Variants in DRC9 observed in about 807,000 individuals in gnomAD.
DRC9 encodes dynein regulatory complex subunit 9, also known as dynein regulatory complex protein 9.
At chr3:197,909,938 C>T in the DRC9 span, among the ~76,000 whole-genome samples, 3 of 151,952 alleles carry the variant, frequency 2.0e-5, no homozygotes, top group African/African-American at 7.3e-5. Context: ...TGCAGTGAGC[C>T]GAGATCGCGC....
chr3:197,917,530 G>A, the DRC9 span, among the ~76,000 whole-genome samples: 69 of 152,258 alleles, frequency 4.5e-4, 1 homozygote, highest in African/African-American at 1.6e-3. Context: ...CAAGTTGTAG[G>A]ATTGCAGGCA....
the DRC9 span, chr3:197,925,895 A>T: frequency 1.5e-6 from 1 of 683,286 alleles, no homozygotes; most frequent in South Asian, 1.7e-5. Context: ...TGTTTTCAAT[A>T]GTAAAGGAAT....
At chr3:197,899,480 T>C in the DRC9 span, among the ~76,000 whole-genome samples, 1 of 152,062 alleles carries the variant, frequency 6.6e-6, no homozygotes, top group African/African-American at 2.4e-5. Flanking sequence ...CCCAGCTCCT[T>C]GGAGGCTGAG....
the DRC9 span, chr3:197,955,707 A>G: frequency 1.3e-6 from 2 of 1,508,464 alleles, no homozygotes; most frequent in Non-Finnish European, 1.8e-6. Flanking sequence ...GTAGACGTAT[A>G]TATAACATTC....
the DRC9 span, among the ~76,000 whole-genome samples, chr3:197,895,661 G>A: frequency 6.6e-6 from 1 of 152,046 alleles, no homozygotes; most frequent in African/African-American, 2.4e-5. Context: ...TGATTTATCT[G>A]TTTAGGTGAG....
At chr3:197,950,223 T>C in the DRC9 span, 13 of 1,230,930 alleles carry the variant, frequency 1.1e-5, no homozygotes, top group Admixed American at 1.3e-4. Flanking sequence ...CCTGTGGAGG[T>C]GAGTGAAGGG....
the DRC9 span, chr3:197,892,643 T>A: frequency 6.2e-7 from 1 of 1,606,082 alleles, no homozygotes; most frequent in Non-Finnish European, 8.5e-7. Flanking sequence ...TTGCCAGGTC[T>A]TGAAGGTGTG....
the DRC9 span, among the ~76,000 whole-genome samples, chr3:197,948,425 TC>T: frequency 1.1e-4 from 16 of 151,990 alleles, 1 homozygote; most frequent in Admixed American, 9.8e-4. Flanking sequence ...AGTGTCAGTT[TC>T]CCCCCACTAG....
chr3:197,914,322 G>C, the DRC9 span, among the ~76,000 whole-genome samples: 2 of 152,132 alleles, frequency 1.3e-5, no homozygotes, highest in African/African-American at 4.8e-5. Flanking sequence ...TTCTCATTTT[G>C]GTAGGAAGAA....
chr3:197,909,030 CT>C, the DRC9 span, among the ~76,000 whole-genome samples: 214 of 152,370 alleles, frequency 1.4e-3, no homozygotes, highest in African/African-American at 4.9e-3. Context: ...GGGCAGGGTA[CT>C]TCCGCTGCCA....
chr3:197,942,568 G>A, the DRC9 span, among the ~76,000 whole-genome samples: 1 of 151,406 alleles, frequency 6.6e-6, no homozygotes, highest in Non-Finnish European at 1.5e-5. Context: ...GAAAAAAAAA[G>A]CAATTTACCC....
the DRC9 span, among the ~76,000 whole-genome samples, chr3:197,915,163 CA>C: frequency 0.32 from 22,793 of 70,546 alleles, 2,126 homozygotes; most frequent in African/African-American, 0.51. Context: ...GATTCTGTCT[CA>C]AAAAAAAAAA....
chr3:197,950,942 T>C, the DRC9 span: 5 of 1,614,154 alleles, frequency 3.1e-6, no homozygotes, highest in Non-Finnish European at 3.4e-6. Context: ...TAAGGCCTGC[T>C]GGGAACGGGA....
chr3:197,892,660 C>T, the DRC9 span: 1 of 1,614,160 alleles, frequency 6.2e-7, no homozygotes, highest in Non-Finnish European at 8.5e-7. Flanking sequence ...TGTGCTAAGT[C>T]ACTGGCCTTT....
the DRC9 span, chr3:197,913,514 C>T: frequency 7.9e-6 from 3 of 381,878 alleles, no homozygotes; most frequent in African/African-American, 4.1e-5. Context: ...GTGAAAGGTA[C>T]TGGTTAGATG....
chr3:197,956,624 G>GTTTTTTTTTTTTTTTTTTTT, the DRC9 span: 7 of 135,192 alleles, frequency 5.2e-5, no homozygotes, highest in South Asian at 2.4e-4. Context: ...TTGCTGTATG[G>GTTTTTTTTTTTTTTTTTTTT]TTTTTTTTTT....
chr3:197,921,790 C>G, the DRC9 span, among the ~76,000 whole-genome samples: 4 of 137,998 alleles, frequency 2.9e-5, no homozygotes, highest in Admixed American at 2.8e-4. Flanking sequence ...TCATCTTGGT[C>G]GACCCGACTA....
the DRC9 span, among the ~76,000 whole-genome samples, chr3:197,895,717 A>G: frequency 1.3e-5 from 2 of 151,994 alleles, no homozygotes; most frequent in Admixed American, 1.3e-4. Context: ...TCACACTATA[A>G]TCCCAGCCAG....
At chr3:197,904,074 A>ATG in the DRC9 span, among the ~76,000 whole-genome samples, 2 of 27,950 alleles carry the variant, frequency 7.2e-5, no homozygotes, top group Non-Finnish European at 1.4e-4. Flanking sequence ...ATACATACAT[A>ATG]TATATATACA....
Sources: allele counts gnomAD v4.1 joint callset (sites outside exome capture counted in the v4.1 genomes callset), GRCh38; gene constraint gnomAD v4.1.1; transcripts MANE v1.5; gene names NCBI Gene and HGNC (gene_info 2026-07-23, HGNC 2026-07-21).